Variants in FBXO38 observed in about 807,000 individuals in gnomAD.
FBXO38 encodes the protein F-box only protein 38.
Under a neutral mutation model 131.9 loss-of-function variants are expected in FBXO38, and 53 were observed. The ratio of observed to expected loss-of-function variants is 0.40; its 90% CI spans 0.32 to 0.51. FBXO38 has a LOEUF of 0.51. FBXO38 is among the 20% of genes least tolerant of loss of function. The pLI is 0.53. For synonymous variants in FBXO38, 452 were observed against 505.6 expected (o/e 0.89, Z 1.42); for missense variants, 1,076 against 1,475.6 (o/e 0.73, Z 4.44).
rs1261127902 is a variant in FBXO38 at position 148,402,002 on chromosome 5, C to T, written c.283C>T (p.Leu95=). ...MPSGFTDASF[L]TLLKKMPDVE... ...CTCAGGCTTTACAGATGCCAGTTTTCTAACACTATTAAAGAAGATGCCAGA... is the reference window on the plus strand; with the variant it reads ...CTCAGGCTTTACAGATGCCAGTTTTTTAACACTATTAAAGAAGATGCCAGA... The change falls in exon 4 of 22, where the codon CTA becomes TTA. Residue 95 remains leucine (L), a synonymous_variant. Coordinates refer to ENST00000340253, the MANE Select transcript of FBXO38 (RefSeq NM_205836.3). 6.2e-7 allele frequency: 1 copy of T among 1,610,654 alleles called. No individual in the cohort carries two copies. Among genetic ancestry groups the T allele is most frequent in the South Asian group, 1.1e-5 (1 of 90,866 alleles).
rs1220744666 is a variant in FBXO38 at position 148,441,113 on chromosome 5, T to C, written c.3275-11T>C. ...CCCACGCCAGTTAGCAATGTTACAT[T>C]TGTCTTTTAGGTGTTGTGGATGGAG... is the stretch of plus-strand genomic sequence containing the variant. On this transcript the variant is annotated splice_polypyrimidine_tract_variant and intron_variant, in intron 20 of 21. Coordinates refer to ENST00000340253, the MANE Select transcript of FBXO38 (RefSeq NM_205836.3). 6.2e-7 allele frequency: 1 copy of C among 1,603,746 alleles called. No individual in the cohort carries two copies. The highest frequency in any genetic ancestry group is 8.5e-7 in the Non-Finnish European group (1 of 1,170,540).
chr5:148,404,947 T>G, intron 6 of FBXO38, 125 bp downstream of exon 6: 1 of 810,624 alleles, frequency 1.2e-6, no homozygotes, highest in Non-Finnish European at 1.8e-6. Context: ...TATAACATAT[T>G]CATCTTGTGA....
chr5:148,386,117 G>C (rs1757900317), intron 1 of FBXO38, among the ~76,000 whole-genome samples: 1 of 152,128 alleles, frequency 6.6e-6, no homozygotes, highest in African/African-American at 2.4e-5. Context: ...ATAGACCACT[G>C]CATGGGAGCC....
intron 15 of FBXO38, among the ~76,000 whole-genome samples, chr5:148,432,855 A>G (rs564714383): frequency 6.6e-6 from 1 of 152,246 alleles, no homozygotes; most frequent in Non-Finnish European, 1.5e-5. Flanking sequence ...TTGAGGATCC[A>G]GGGTGCTTTG....
intron 9 of FBXO38, 21 bp downstream of exon 9, chr5:148,410,786 A>G: frequency 6.3e-7 from 1 of 1,579,570 alleles, no homozygotes; most frequent in Non-Finnish European, 8.6e-7. Context: ...TCCCATTTTA[A>G]TTCCTAGAAT....
chr5:148,438,121 T>G (rs1187920005), intron 17 of FBXO38, among the ~76,000 whole-genome samples: 1 of 152,224 alleles, frequency 6.6e-6, no homozygotes, highest in East Asian at 1.9e-4. Flanking sequence ...AGTAAAATCT[T>G]AGAAAAAGGC....
chr5:148,386,620 T>C (rs1757927741), intron 1 of FBXO38, among the ~76,000 whole-genome samples: 1 of 152,148 alleles, frequency 6.6e-6, no homozygotes, highest in Non-Finnish European at 1.5e-5. Flanking sequence ...ATTTCTGACA[T>C]TTCCTTAAGG....
At chr5:148,440,029 C>T (rs1434275614) in intron 19 of FBXO38, among the ~76,000 whole-genome samples, 2 of 152,180 alleles carry the variant, frequency 1.3e-5, no homozygotes, top group East Asian at 1.9e-4. Context: ...ACAGATTGCA[C>T]ATGTACTTGT....
chr5:148,394,499 TTTATA>T (rs1200143978), intron 1 of FBXO38, among the ~76,000 whole-genome samples: 1 of 152,142 alleles, frequency 6.6e-6, no homozygotes, highest in Non-Finnish European at 1.5e-5. Context: ...GTAATGCATA[TTTATA>T]TTATCTTCAG....
chr5:148,412,620 C>G (rs1294629812), intron 9 of FBXO38, among the ~76,000 whole-genome samples: 1 of 151,932 alleles, frequency 6.6e-6, no homozygotes, highest in African/African-American at 2.4e-5. Flanking sequence ...TAGTCCTAGC[C>G]CTAGAGTTCT....
intron 20 of FBXO38, 147 bp downstream of exon 20, chr5:148,440,674 A>T (rs1204298684): frequency 3.1e-5 from 18 of 575,892 alleles, no homozygotes; most frequent in Non-Finnish European, 5.3e-5. Context: ...GCCCTTTCTC[A>T]TTCACGGATG....
At chr5:148,441,092 C>A in intron 20 of FBXO38, 32 bp from the exon 21 acceptor site, 1 of 1,531,304 alleles carries the variant, frequency 6.5e-7, no homozygotes, top group Non-Finnish European at 9.1e-7. Context: ...AGCACTCCCA[C>A]GCCAGTTAGC....
At chr5:148,385,970 G>A (rs1304749670) in intron 1 of FBXO38, among the ~76,000 whole-genome samples, 1 of 152,064 alleles carries the variant, frequency 6.6e-6, no homozygotes, top group Non-Finnish European at 1.5e-5. Flanking sequence ...TTGAATTGAC[G>A]AGATAGGAGA....
chr5:148,424,848 G>A (rs1753628877), intron 13 of FBXO38, among the ~76,000 whole-genome samples: 1 of 151,692 alleles, frequency 6.6e-6, no homozygotes, highest in Non-Finnish European at 1.5e-5. Context: ...CAATGTGACA[G>A]GAAAAAAGCT....
intron 12 of FBXO38, among the ~76,000 whole-genome samples, chr5:148,419,573 G>A (rs751035790): frequency 2.6e-5 from 4 of 152,134 alleles, no homozygotes; most frequent in Non-Finnish European, 4.4e-5. Context: ...GACTCTCCTT[G>A]ATGTACAATT....
At chr5:148,430,961 C>A (rs903453775) in intron 15 of FBXO38, among the ~76,000 whole-genome samples, 2 of 152,068 alleles carry the variant, frequency 1.3e-5, no homozygotes, top group Non-Finnish European at 2.9e-5. Context: ...TCCCTGACAC[C>A]CCAAGACTGG....
intron 9 of FBXO38, 165 bp from the exon 10 acceptor site, chr5:148,413,971 G>A (rs2113576164): frequency 1.9e-6 from 1 of 526,300 alleles, no homozygotes; most frequent in Admixed American, 3.7e-5. Context: ...GCTACCATAT[G>A]TACGGAATAC....
chr5:148,423,344 T>TGCAA (rs1753545209), intron 12 of FBXO38, among the ~76,000 whole-genome samples: 2 of 152,154 alleles, frequency 1.3e-5, no homozygotes, highest in Non-Finnish European at 2.9e-5. Flanking sequence ...AAAATCAGGC[T>TGCAA]AGTAATAATG....
intron 1 of FBXO38, among the ~76,000 whole-genome samples, chr5:148,386,670 T>A (rs1278385742): frequency 1.3e-5 from 2 of 152,100 alleles, no homozygotes; most frequent in African/African-American, 4.8e-5. Flanking sequence ...AGCCTATAGG[T>A]AACACCTGGT....
Sources: gnomAD v4.1 joint callset for allele counts (sites outside exome capture counted in the v4.1 genomes callset) on GRCh38, gnomAD v4.1.1 for gene constraint, MANE v1.5 for transcripts, NCBI Gene and HGNC (gene_info 2026-07-23, HGNC 2026-07-21) for gene names.